DBNL: variants seen among roughly 807,000 people sequenced by gnomAD.
DBNL encodes drebrin-like protein.
DBNL carries 35 observed loss-of-function variants against 62.2 expected under a neutral mutation model. The ratio of observed to expected loss-of-function variants is 0.56; its 90% CI spans 0.43 to 0.75. The LOEUF is 0.75. Ranked by LOEUF, DBNL falls within the 30% of genes least tolerant of loss-of-function variation. DBNL has a pLI of 0.00. For synonymous variants in DBNL, 197 were observed against 218.0 expected (o/e 0.90, Z 0.85); for missense variants, 495 against 578.4 (o/e 0.86, Z 1.48).
chr7:44,059,314 G>T lies in DBNL; in HGVS notation c.836-40G>T. Reference sequence around the variant, plus strand: ...CTGTGGGGTGCGTGGGTGTGTGGTGGTGTTTCTGAAGTGATGTATATATTT... The same window carrying T: ...CTGTGGGGTGCGTGGGTGTGTGGTGTTGTTTCTGAAGTGATGTATATATTT... On this transcript the variant is annotated intron_variant, in intron 9 of 12. Coordinates refer to ENST00000448521, the MANE Select transcript of DBNL (RefSeq NM_001014436.3). The surrounding 1 kb of genome is among the most constrained non-coding windows in gnomAD (Gnocchi z 4.1). The T allele has an allele frequency of 6.2e-7, 1 of 1,601,524 alleles. No individual in the cohort carries two copies. The highest frequency in any genetic ancestry group is 8.5e-7 in the Non-Finnish European group (1 of 1,170,350).
Position 44,051,897 on chromosome 7 carries a change from G to A in DBNL, c.207G>A (p.Val69=), listed in dbSNP as rs767006983. ...SGKVMYAFCR[V]KDPNSGLPKF... ...AGGTGATGTACGCCTTCTGCAGAGT[G>A]AAGGACCCCAACTCTGGACTGCCCA... is the stretch of plus-strand genomic sequence containing the variant. Residue 69 remains valine, a synonymous_variant, in exon 3 of 13, where the codon GTG becomes GTA. Transcript: ENST00000448521. 1 of 1,614,200 alleles carries A rather than the reference G, an allele frequency of 6.2e-7. No individual in the cohort carries two copies. Among genetic ancestry groups the A allele is most frequent in the South Asian group, 1.1e-5 (1 of 91,088 alleles).
At position 44,065,596 on chromosome 7, in the gene DBNL, A is replaced by C. The variant is rs1248811389; in HGVS notation, c.*4680A>C. The stretch of plus-strand genomic sequence containing the variant: ...TGCTTCCCAACACTCCCAGCTTTAT[A>C]ATAGTGTCTTCCCAGCCCCCACCCA... On this transcript the variant is annotated 3_prime_UTR_variant, in exon 13 of 13. Transcript: ENST00000448521. The C allele has an allele frequency of 2.0e-6, 3 of 1,490,444 alleles. No individual in the cohort carries two copies. Among genetic ancestry groups the C allele is most frequent in the Non-Finnish European group, 1.9e-6 (2 of 1,074,974 alleles). The allele number at this position is 1,490,444 out of a possible 1,614,324, so 92.3% of individuals were successfully genotyped here. A position where few individuals can be genotyped will look rare whatever the true frequency, so the allele number is the denominator to read the frequency against.
rs573086216 is a variant in DBNL at position 44,059,930 on chromosome 7, G to A, written c.1048-118G>A. 105 of 1,016,336 alleles carry A rather than the reference G, an allele frequency of 1.0e-4. 1 individual carries two copies. Among genetic ancestry groups the A allele is most frequent in the Admixed American group, 4.0e-4 (19 of 47,366 alleles). 63.0% of individuals were successfully genotyped at this position (1,016,336 alleles called of 1,614,324 possible). A position where few individuals can be genotyped will look rare whatever the true frequency, so the allele number is the denominator to read the frequency against. ...CGGGGACAGCAGCAGCCCAGCCCCC[G>A]AGCCTGTAGACTGCTTGCCCTCTGC... On this transcript the variant is annotated intron_variant, in intron 11 of 12. Coordinates refer to ENST00000448521, the MANE Select transcript of DBNL (RefSeq NM_001014436.3). The surrounding 1 kb of genome is among the most constrained non-coding windows in gnomAD (Gnocchi z 4.1).
In DBNL at chr7:44,059,321, T is replaced by C; in HGVS notation, c.836-33T>C. 6.2e-7 allele frequency: 1 copy of C among 1,609,372 alleles called. No homozygotes were observed. Among genetic ancestry groups the C allele is most frequent in the Non-Finnish European group, 8.5e-7 (1 of 1,176,722 alleles). On this transcript the variant is annotated intron_variant, in intron 9 of 12. Coordinates refer to ENST00000448521, the MANE Select transcript of DBNL (RefSeq NM_001014436.3). The surrounding 1 kb of genome is among the most constrained non-coding windows in gnomAD (Gnocchi z 4.1). The stretch of plus-strand genomic sequence containing the variant: ...GTGCGTGGGTGTGTGGTGGTGTTTC[T>C]GAAGTGATGTATATATTTACCCGGG...
rs1395436265 is a variant in DBNL, at chr7:44,064,860, G to C, written c.*3944G>C. 1 of 1,606,244 alleles carries C rather than the reference G, an allele frequency of 6.2e-7. No individual in the cohort carries two copies. The highest frequency in any genetic ancestry group is 8.5e-7 in the Non-Finnish European group (1 of 1,177,196). On this transcript the variant is annotated 3_prime_UTR_variant, in exon 13 of 13. Coordinates refer to ENST00000448521, the MANE Select transcript of DBNL (RefSeq NM_001014436.3). ...CCAGGTGCTTGACAATGCCCCGCAG[G>C]CTGTTCCCGTGGGCTGCAATGAGCA... is the stretch of plus-strand genomic sequence containing the variant.
At chr7:44,050,094 G>T (rs2096123926) in intron 1 of DBNL, 131 bp from the exon 2 acceptor site, 1 of 993,506 alleles carries the variant, frequency 1.0e-6, no homozygotes, top group Admixed American at 1.9e-5. Context: ...AGTGAGAACG[G>T]GCCTGTGCCC....
chr7:44,062,463 G>C lies in DBNL; in HGVS notation c.*1547G>C, dbSNP rs185303332. The C allele has an allele frequency of 2.6e-4, 110 of 428,646 alleles. No individual in the cohort carries two copies. Among genetic ancestry groups the C allele is most frequent in the African/African-American group, 1.9e-3 (96 of 49,750 alleles). The allele number at this position is 428,646 out of a possible 1,614,324, so 26.6% of individuals were successfully genotyped here. On this transcript the variant is annotated 3_prime_UTR_variant, in exon 13 of 13. Transcript: ENST00000448521. ...TGGGTCACTTGGCCTCTTCTAACTG[G>C]CCCCAAGCACGCCAATTCTGGAGCA...
At chr7:44,044,997 C>A (rs2096114347) in intron 1 of DBNL, 177 bp downstream of exon 1, 4 of 548,814 alleles carry the variant, frequency 7.3e-6, no homozygotes, top group Non-Finnish European at 1.2e-5. Flanking sequence ...GTCTCACCCT[C>A]GTGACCCCTT....
chr7:44,062,707 G>T lies in DBNL; in HGVS notation c.*1791G>T, dbSNP rs1397739649. On this transcript the variant is annotated 3_prime_UTR_variant, in exon 13 of 13. Transcript: ENST00000448521. ...ATGGCGGTGTGAGCCTGGCATGCAC[G>T]GCTGCGCTGGACTCCAGGCTGTTGG... The T allele has an allele frequency of 2.6e-5, 41 of 1,581,388 alleles. No individual in the cohort carries two copies. Among genetic ancestry groups the T allele is most frequent in the Admixed American group, 1.7e-4 (10 of 59,222 alleles).
At chr7:44,045,448 T>G (rs993475860) in intron 1 of DBNL, among the ~76,000 whole-genome samples, 3 of 152,246 alleles carry the variant, frequency 2.0e-5, no homozygotes, top group Admixed American at 2.0e-4. Flanking sequence ...AGTAGGATGC[T>G]CGCTATCTAT....
rs542525653 is a variant in DBNL at position 44,050,573 on chromosome 7, C to T, written c.139+293C>T. The T allele has an allele frequency of 6.9e-4, 230 of 335,212 alleles. 1 individual carries two copies. The highest frequency in any genetic ancestry group is 4.7e-3 in the African/African-American group (222 of 47,120). The allele number at this position is 335,212 out of a possible 1,614,324, so 20.8% of individuals were successfully genotyped here. On this transcript the variant is annotated intron_variant, in intron 2 of 12. Transcript: ENST00000448521. ...CTGCGTTGGGAGCTGCGGTGGGAAG[C>T]TCACCAGTCCCAGAACTGGTGCTGG... is the stretch of plus-strand genomic sequence containing the variant.
At position 44,058,491 on chromosome 7, in the gene DBNL, G is replaced by C; in HGVS notation, c.753+11G>C. On this transcript the variant is annotated intron_variant, in intron 8 of 12. Transcript: ENST00000448521. The stretch of plus-strand genomic sequence containing the variant: ...AACCGAAATGAGCAGGTAAGATGGG[G>C]GTGCTCTACTTGTTTGGACCTGTCC... 6.2e-7 allele frequency: 1 copy of C among 1,614,036 alleles called. No individual in the cohort carries two copies. The highest frequency in any genetic ancestry group is 8.5e-7 in the Non-Finnish European group (1 of 1,179,992).
intron 2 of DBNL, 107 bp from the exon 3 acceptor site, chr7:44,051,723 G>A (rs543118101): frequency 9.9e-5 from 92 of 931,598 alleles, no homozygotes; most frequent in Admixed American, 2.4e-4. Flanking sequence ...TACAGGTAGA[G>A]GTGAGAAGCC....
rs763878398 is a variant in DBNL at position 44,060,920 on chromosome 7, T to C, written c.*4T>C. On this transcript the variant is annotated 3_prime_UTR_variant, in exon 13 of 13. Coordinates refer to ENST00000448521, the MANE Select transcript of DBNL (RefSeq NM_001014436.3). The surrounding 1 kb of genome is among the most constrained non-coding windows in gnomAD (Gnocchi z 6.3). ...CTACGTGGAGCTCATTGAGTGAGGC[T>C]GAGGGCACATCTTGCCCTTCCCCTC... is the stretch of plus-strand genomic sequence containing the variant. 3.7e-6 allele frequency: 6 copies of C among 1,613,398 alleles called. No homozygotes were observed. Among genetic ancestry groups the C allele is most frequent in the Non-Finnish European group, 5.1e-6 (6 of 1,179,686 alleles).
intron 4 of DBNL, among the ~76,000 whole-genome samples, chr7:44,053,967 C>T (rs1382196787): frequency 3.3e-5 from 5 of 152,136 alleles, no homozygotes; most frequent in South Asian, 2.1e-4. Context: ...TGAACCACCA[C>T]GCCCAGCCCA....
At chr7:44,052,981 C>T in intron 4 of DBNL, 40 bp downstream of exon 4, 1 of 1,598,712 alleles carries the variant, frequency 6.3e-7, no homozygotes. Context: ...GAACAGGCCT[C>T]ACAGGCTTGA....
In DBNL at chr7:44,058,406, G is replaced by T. The variant is rs775028562; in HGVS notation, c.705-26G>T. 7.6e-5 allele frequency: 122 copies of T among 1,614,160 alleles called. No homozygotes were observed. In the South Asian group the frequency reaches 1.3e-3, roughly 17 times the overall value. On this transcript the variant is annotated intron_variant, in intron 7 of 12. Transcript: ENST00000448521. ...GAGAAGCTGTGACTGTGCCTCAGCTGTGCCCCACCCGGCCCTTCCCAGCAG... is the reference window on the plus strand; with the variant it reads ...GAGAAGCTGTGACTGTGCCTCAGCTTTGCCCCACCCGGCCCTTCCCAGCAG...
rs753835424 is a variant in DBNL, at chr7:44,063,499, CA to C, written c.*2586del. 2.8e-5 allele frequency: 5 copies of C among 179,548 alleles called. No homozygotes were observed. The highest frequency in any genetic ancestry group is 5.4e-5 in the Admixed American group (1 of 18,670). The allele number at this position is 179,548 out of a possible 1,614,324, so 11.1% of individuals were successfully genotyped here. ...TTTACCATGTTGGTCAGGCTGGTCT[CA>C]AACTCCTGACCTCAGGTGATCTGCC... On this transcript the variant is annotated 3_prime_UTR_variant, in exon 13 of 13. Coordinates refer to ENST00000448521, the MANE Select transcript of DBNL (RefSeq NM_001014436.3).
Position 44,065,014 on chromosome 7 carries a change from T to TG in DBNL, c.*4103dup. 1 of 1,606,702 alleles carries TG rather than the reference T, an allele frequency of 6.2e-7. No homozygotes were observed. Among genetic ancestry groups the TG allele is most frequent in the Non-Finnish European group, 8.5e-7 (1 of 1,179,604 alleles). On this transcript the variant is annotated 3_prime_UTR_variant, in exon 13 of 13. Coordinates refer to ENST00000448521, the MANE Select transcript of DBNL (RefSeq NM_001014436.3). Reference sequence around the variant, plus strand: ...CTTCAGGCCTGCGTACCGACGCTCCTGGGGGACACAGGCACGCTGCTTTCC... The same window carrying TG: ...CTTCAGGCCTGCGTACCGACGCTCCTGGGGGGACACAGGCACGCTGCTTTCC...
Sources: allele counts gnomAD v4.1 joint callset (sites outside exome capture counted in the v4.1 genomes callset), GRCh38; gene constraint gnomAD v4.1.1; non-coding constraint Gnocchi (gnomAD v3.1); transcripts MANE v1.5; gene names NCBI Gene and HGNC (gene_info 2026-07-23, HGNC 2026-07-21).